ROR2: variants seen among roughly 807,000 people sequenced by gnomAD.
ROR2 encodes tyrosine-protein kinase transmembrane receptor ROR2.
In ROR2, 33 loss-of-function variants were observed where a neutral mutation model predicts 74.9. That is an observed-to-expected ratio of 0.44 (90% CI 0.33 to 0.59). The LOEUF is 0.59. Among genes scored for constraint, ROR2 ranks in the 20% least tolerant of loss-of-function variants. The pLI, the probability that ROR2 is intolerant of heterozygous loss-of-function variation, is 0.02. For synonymous variants in ROR2, 586 were observed against 558.7 expected (o/e 1.05, Z -0.69); for missense variants, 1,216 against 1,313.8 (o/e 0.93, Z 1.15).
chr9:91,830,098 T>A (rs931395081), intron 1 of ROR2, among the ~76,000 whole-genome samples: 1 of 152,234 alleles, frequency 6.6e-6, no homozygotes, highest in South Asian at 2.1e-4. Context: ...GTTTTCCTCA[T>A]CCTGTATTTT....
chr9:91,806,802 G>A (rs1258368765), intron 1 of ROR2, among the ~76,000 whole-genome samples: 1 of 152,132 alleles, frequency 6.6e-6, no homozygotes, highest in Non-Finnish European at 1.5e-5. Flanking sequence ...TGTTAGCCAG[G>A]ATGGTCTCGA....
At chr9:91,729,115 T>C (rs1049451670) in intron 7 of ROR2, among the ~76,000 whole-genome samples, 4 of 152,176 alleles carry the variant, frequency 2.6e-5, no homozygotes, top group African/African-American at 4.8e-5. Context: ...AGTCTTGTAT[T>C]TGAACACTTT....
intron 4 of ROR2, among the ~76,000 whole-genome samples, chr9:91,747,017 C>T (rs1340370087): frequency 3.9e-5 from 6 of 152,142 alleles, no homozygotes; most frequent in Non-Finnish European, 8.8e-5. Context: ...TTCCCTCCCA[C>T]TAGAAGCAGG....
Position 91,722,643 on chromosome 9 carries a change from C to T in ROR2, c.*1019G>A. On this transcript the variant is annotated 3_prime_UTR_variant, in exon 9 of 9. Transcript: ENST00000375708. ...TTGGATACACCGGGTGTGGGATTTA[C>T]AAATAGGACCAACAATGTGTGCGGG... 1 of 779,666 alleles carries T rather than the reference C, an allele frequency of 1.3e-6. No homozygotes were observed. Among genetic ancestry groups the T allele is most frequent in the Non-Finnish European group, 2.4e-6 (1 of 417,918 alleles). The allele number at this position is 779,666 out of a possible 1,614,324, so 48.3% of individuals were successfully genotyped here.
At chr9:91,806,140 G>A (rs916060257) in intron 1 of ROR2, among the ~76,000 whole-genome samples, 1 of 152,194 alleles carries the variant, frequency 6.6e-6, no homozygotes, top group African/African-American at 2.4e-5. Flanking sequence ...CAGAAATAGG[G>A]ACAGGGGGTT....
At chr9:91,732,476 T>C (rs117316382) in intron 6 of ROR2, among the ~76,000 whole-genome samples, 7,095 of 152,158 alleles carry the variant, frequency 0.047, 225 homozygotes, top group Non-Finnish European at 0.074. Context: ...TCCCCCACGC[T>C]CATCCCTTAG....
At chr9:91,742,655 G>C (rs747632056) in intron 4 of ROR2, among the ~76,000 whole-genome samples, 6 of 152,206 alleles carry the variant, frequency 3.9e-5, no homozygotes, top group Non-Finnish European at 7.3e-5. Flanking sequence ...TCATCGCCTA[G>C]TGACATCGGA....
chr9:91,922,656 T>C (rs1371881541), intron 1 of ROR2, among the ~76,000 whole-genome samples: 1 of 152,106 alleles, frequency 6.6e-6, no homozygotes, highest in African/African-American at 2.4e-5. Context: ...GATTTCACCA[T>C]GTTAGTCAGG....
intron 1 of ROR2, among the ~76,000 whole-genome samples, chr9:91,908,277 C>A (rs1830869404): frequency 6.6e-6 from 1 of 152,190 alleles, no homozygotes; most frequent in Admixed American, 6.5e-5. Flanking sequence ...GCCTGGGGCA[C>A]CCGCAGCACA....
In ROR2 at chr9:91,792,470, A is replaced by G. The variant is rs574930125; in HGVS notation, c.98-16652T>C. ...ACTACAGGCGCCCGCCACCACGCCC[A>G]GCTAATTTTTTGTACTTTTAGTAGA... On this transcript the variant is annotated intron_variant, in intron 1 of 8. Coordinates refer to ENST00000375708, the MANE Select transcript of ROR2 (RefSeq NM_004560.4). Among the ~76,000 whole-genome samples, 136 of 152,206 alleles carry G rather than the reference A, an allele frequency of 8.9e-4. 1 individual carries two copies. The highest frequency in any genetic ancestry group is 1.4e-3 in the African/African-American group (58 of 41,532).
rs1379369275 is a variant in ROR2 at position 91,723,760 on chromosome 9, C to T, written c.2734G>A (p.Ala912Thr). Residue 912 changes from alanine to threonine, a missense_variant, in exon 9 of 9, where the codon GCA becomes ACA. Ala to Thr is a moderately conservative substitution (Grantham distance 58). Transcript: ENST00000375708. ...EDGAQSTVQE[A>T]EEEEEGSVPE... Reference sequence around the variant, plus strand: ...ACAGAGCCTTCCTCCTCCTCCTCTGCTTCCTGCACGGTGCTCTGGGCCCCA... The same window carrying T: ...ACAGAGCCTTCCTCCTCCTCCTCTGTTTCCTGCACGGTGCTCTGGGCCCCA... 1 of 1,613,896 alleles carries T rather than the reference C, an allele frequency of 6.2e-7. No homozygotes were observed. Among genetic ancestry groups the T allele is most frequent in the Non-Finnish European group, 8.5e-7 (1 of 1,180,040 alleles).
intron 1 of ROR2, among the ~76,000 whole-genome samples, chr9:91,881,481 T>C (rs528161077): frequency 2.0e-5 from 3 of 152,354 alleles, no homozygotes; most frequent in Admixed American, 1.3e-4. Flanking sequence ...TCAGTTTTGT[T>C]ATACAGTATG....
At chr9:91,949,714 G>C (rs1211158205) in intron 1 of ROR2, among the ~76,000 whole-genome samples, 153 bp downstream of exon 1, 1 of 151,638 alleles carries the variant, frequency 6.6e-6, no homozygotes, top group Non-Finnish European at 1.5e-5. Context: ...GGCCGGGAGC[G>C]GCGTCGGGCG....
At chr9:91,841,271 C>T (rs182176096) in intron 1 of ROR2, among the ~76,000 whole-genome samples, 5 of 152,348 alleles carry the variant, frequency 3.3e-5, no homozygotes, top group Admixed American at 6.5e-5. Context: ...CATGAGTCCA[C>T]GGAAAACTCA....
At chr9:91,886,123 C>T (rs1830264332) in intron 1 of ROR2, among the ~76,000 whole-genome samples, 1 of 152,140 alleles carries the variant, frequency 6.6e-6, no homozygotes, top group African/African-American at 2.4e-5. Flanking sequence ...GATCCACCCG[C>T]CTCAGCCTCC....
chr9:91,861,347 A>C (rs574543524), intron 1 of ROR2, among the ~76,000 whole-genome samples: 2 of 152,344 alleles, frequency 1.3e-5, no homozygotes. Flanking sequence ...AAAAGGAACT[A>C]AGTTGGAGGA....
intron 1 of ROR2, among the ~76,000 whole-genome samples, chr9:91,943,117 CCT>C (rs753908959): frequency 2.0e-5 from 3 of 152,140 alleles, no homozygotes; most frequent in South Asian, 2.1e-4. Flanking sequence ...CAAGTTGGCC[CCT>C]GAGTACATCT....
At chr9:91,946,729 C>T (rs1832022894) in intron 1 of ROR2, among the ~76,000 whole-genome samples, 1 of 150,626 alleles carries the variant, frequency 6.6e-6, no homozygotes, top group South Asian at 2.1e-4. Context: ...GATTAGGGAG[C>T]TCAAGTCCTT....
At chr9:91,791,959 C>T (rs539379886) in intron 1 of ROR2, among the ~76,000 whole-genome samples, 1 of 152,220 alleles carries the variant, frequency 6.6e-6, no homozygotes, top group African/African-American at 2.4e-5. Flanking sequence ...AGGAAATTCA[C>T]AAATATACGA....
Sources: gnomAD v4.1 joint callset for allele counts (sites outside exome capture counted in the v4.1 genomes callset) on GRCh38, gnomAD v4.1.1 for gene constraint, MANE v1.5 for transcripts, NCBI Gene and HGNC (gene_info 2026-07-23, HGNC 2026-07-21) for gene names.